The following PTPRS variants were observed in gnomAD, a reference collection of about 807,000 sequenced individuals.
PTPRS encodes the protein receptor-type tyrosine-protein phosphatase S.
PTPRS carries 63 observed loss-of-function variants against 215.3 expected under a neutral mutation model. The observed-to-expected ratio is 0.29, with a 90% CI of 0.24 to 0.36. PTPRS has a LOEUF of 0.36. Ranked by LOEUF, PTPRS falls within the 10% of genes least tolerant of loss-of-function variation. The probability of loss-of-function intolerance (pLI) is 1.00; values close to 1 mark genes in which losing one functional copy is unlikely to be tolerated. For synonymous variants in PTPRS, 1,404 were observed against 1,191.4 expected (o/e 1.18, Z -3.68); for missense variants, 2,258 against 2,825.8 (o/e 0.80, Z 4.56).
chr19:5,206,697 C>T lies in PTPRS; in HGVS notation c.*77G>A, dbSNP rs1599322512. ...CCTCCTGCCCTGCCCACTGGGGGTC[C>T]AGGCCTCAGGAGGTCCGCCCGGGAG... On this transcript the variant is annotated 3_prime_UTR_variant, in exon 38 of 38. Transcript: ENST00000262963. The T allele has an allele frequency of 2.3e-6, 3 of 1,330,434 alleles. No homozygotes were observed. In the East Asian group the frequency reaches 6.9e-5, roughly 31 times the overall value. 82.4% of individuals were successfully genotyped at this position (1,330,434 alleles called of 1,614,324 possible).
chr19:5,242,615 G>A (rs1022857836), intron 11 of PTPRS, among the ~76,000 whole-genome samples: 1 of 151,396 alleles, frequency 6.6e-6, no homozygotes, highest in Non-Finnish European at 1.5e-5. Flanking sequence ...CTGACCTCAG[G>A]TGATCCACCC....
rs1214941006 is a variant in PTPRS, at chr19:5,287,968, A to AGG, written c.-94-1735_-94-1734insCC. On this transcript the variant is annotated intron_variant, in intron 1 of 37. Transcript: ENST00000262963. This position sits in a 1 kb window ranked among gnomAD's most constrained non-coding sequence, Gnocchi z 4.8. Reference sequence around the variant, plus strand: ...ACAGTCAGGCAGCAGAGACGGGCACACACACACACACACACACACACACAC... The same window carrying AGG: ...ACAGTCAGGCAGCAGAGACGGGCACAGGCACACACACACACACACACACACAC... Among the ~76,000 whole-genome samples, 69 of 17,006 alleles carry AGG rather than the reference A, an allele frequency of 4.1e-3. No individual in the cohort carries two copies. Among genetic ancestry groups the AGG allele is most frequent in the Admixed American group, 0.022 (58 of 2,626 alleles). 11.2% of individuals were successfully genotyped at this position (17,006 alleles called of 152,430 possible).
intron 18 of PTPRS, 66 bp downstream of exon 18, chr19:5,222,623 G>GGGGCT: frequency 7.0e-7 from 1 of 1,425,276 alleles, no homozygotes; most frequent in Non-Finnish European, 9.2e-7. Flanking sequence ...GGAGAGGGAG[G>GGGGCT]GGGCTGGGGT....
intron 9 of PTPRS, among the ~76,000 whole-genome samples, chr19:5,249,716 T>A (rs1174013388): frequency 6.6e-6 from 1 of 152,224 alleles, no homozygotes; most frequent in Admixed American, 6.5e-5. Context: ...CAGTTGCCAC[T>A]GGTTGAATAA....
chr19:5,206,976 G>A (rs558502757), intron 37 of PTPRS, 134 bp from the exon 38 acceptor site: 35 of 728,780 alleles, frequency 4.8e-5, no homozygotes, highest in Admixed American at 1.7e-4. Context: ...TGGCCCCCAC[G>A]GCCCTCCCAC....
intron 4 of PTPRS, among the ~76,000 whole-genome samples, chr19:5,267,711 G>GCCCCCCCCCCCCCC (rs1277561767): frequency 7.4e-6 from 1 of 134,392 alleles, no homozygotes; most frequent in African/African-American, 2.8e-5. Context: ...TAATAACCGT[G>GCCCCCCCCCCCCCC]CCCCCCCGCC....
At chr19:5,337,402 T>C (rs2050540503) in intron 1 of PTPRS, among the ~76,000 whole-genome samples, 1 of 152,076 alleles carries the variant, frequency 6.6e-6, no homozygotes, top group African/African-American at 2.4e-5. Flanking sequence ...AGTCACACCG[T>C]CCCTGCCCGT....
intron 9 of PTPRS, among the ~76,000 whole-genome samples, chr19:5,252,278 T>C (rs977014718): frequency 3.3e-5 from 5 of 152,058 alleles, no homozygotes; most frequent in Admixed American, 1.3e-4. Context: ...CCCTTCAAGG[T>C]AGAACATTGC....
intron 26 of PTPRS, 83 bp from the exon 27 acceptor site, chr19:5,215,678 G>C: frequency 1.0e-6 from 1 of 990,644 alleles, no homozygotes; most frequent in Non-Finnish European, 1.5e-6. Context: ...ATCTACGTGT[G>C]AGTCTGCGAT....
At chr19:5,308,304 T>C (rs746971605) in intron 1 of PTPRS, among the ~76,000 whole-genome samples, 34 of 152,128 alleles carry the variant, frequency 2.2e-4, no homozygotes, top group Non-Finnish European at 4.4e-4. Context: ...TTGTTTTAAT[T>C]TGCATCTCCT....
At chr19:5,227,894 A>AC (rs1321001229) in intron 16 of PTPRS, among the ~76,000 whole-genome samples, 1 of 152,078 alleles carries the variant, frequency 6.6e-6, no homozygotes, top group Non-Finnish European at 1.5e-5. Context: ...ACCTGTGCAC[A>AC]CGATCACAGC....
intron 1 of PTPRS, among the ~76,000 whole-genome samples, chr19:5,304,118 G>A (rs1250297352): frequency 1.3e-5 from 2 of 152,028 alleles, no homozygotes; most frequent in African/African-American, 2.4e-5. Context: ...TCTGGGCTGA[G>A]CACTAAGGAC....
chr19:5,288,762 T>C (rs775234880), intron 1 of PTPRS, among the ~76,000 whole-genome samples: 4 of 152,164 alleles, frequency 2.6e-5, no homozygotes, highest in Non-Finnish European at 4.4e-5. Flanking sequence ...GGCACATATA[T>C]GGAGGGCCCC....
chr19:5,239,636 GGA>G (rs1230608388), intron 12 of PTPRS, among the ~76,000 whole-genome samples: 2 of 151,432 alleles, frequency 1.3e-5, no homozygotes, highest in East Asian at 3.9e-4. Context: ...CAGAAACGGA[GGA>G]GAGAGAGATT....
intron 14 of PTPRS, among the ~76,000 whole-genome samples, chr19:5,230,898 G>A (rs771717329): frequency 2.6e-5 from 4 of 152,144 alleles, no homozygotes; most frequent in Admixed American, 2.0e-4. Context: ...GGGTGAGGAC[G>A]GGAACATTTA....
At chr19:5,276,184 T>A (rs974730904) in intron 2 of PTPRS, among the ~76,000 whole-genome samples, 4 of 152,214 alleles carry the variant, frequency 2.6e-5, no homozygotes, top group African/African-American at 4.8e-5. Context: ...GATGTATTCA[T>A]TCAGTCTCTG....
intron 2 of PTPRS, among the ~76,000 whole-genome samples, chr19:5,280,470 G>C (rs1334789765): frequency 6.6e-6 from 1 of 152,192 alleles, no homozygotes; most frequent in Non-Finnish European, 1.5e-5. Context: ...TGTAATCCCA[G>C]CACTTTGGGA....
intron 1 of PTPRS, among the ~76,000 whole-genome samples, chr19:5,308,508 C>A (rs2049577599): frequency 6.6e-6 from 1 of 152,220 alleles, no homozygotes; most frequent in Admixed American, 6.5e-5. Context: ...GGGCAGCAGC[C>A]ACAGTGCAAG....
chr19:5,297,247 TAATTTTTTTCAA>T (rs964086053), intron 1 of PTPRS, among the ~76,000 whole-genome samples: 3 of 151,956 alleles, frequency 2.0e-5, no homozygotes, highest in Non-Finnish European at 4.4e-5. Flanking sequence ...CGTTGGGGGG[TAATTTTTTTCAA>T]AATAACTTTT....
Sources: gnomAD v4.1 joint callset for allele counts (sites outside exome capture counted in the v4.1 genomes callset) on GRCh38, gnomAD v4.1.1 for gene constraint, Gnocchi (gnomAD v3.1) non-coding constraint, MANE v1.5 for transcripts, NCBI Gene and HGNC (gene_info 2026-07-23, HGNC 2026-07-21) for gene names.